Variants in FAM91A1 observed in about 807,000 individuals in gnomAD.
The protein encoded by FAM91A1 is family with sequence similarity 91 member A1.
A neutral mutation model predicts 113.5 loss-of-function variants in FAM91A1; 41 were observed. That is an observed-to-expected ratio of 0.36 (90% CI 0.28 to 0.47). The LOEUF is 0.47. Ranked by LOEUF, FAM91A1 falls within the 20% of genes least tolerant of loss-of-function variation. The probability of loss-of-function intolerance (pLI) is 1.00; values close to 1 mark genes in which losing one functional copy is unlikely to be tolerated. For synonymous variants in FAM91A1, 307 were observed against 347.9 expected, an observed-to-expected ratio of 0.88 and a Z score of 1.31; for missense variants, 696 against 1,001.2, an observed-to-expected ratio of 0.70 and a Z score of 4.11.
At chr8:123,796,440 T>C (rs921923129) in intron 15 of FAM91A1, among the ~76,000 whole-genome samples, 4 of 149,470 alleles carry the variant, frequency 2.7e-5, no homozygotes, top group African/African-American at 9.9e-5. Context: ...TGGATATGGC[T>C]AAAAGGTAGG....
chr8:123,772,968 A>G (rs1402754563), intron 1 of FAM91A1, among the ~76,000 whole-genome samples: 1 of 152,126 alleles, frequency 6.6e-6, no homozygotes, highest in Admixed American at 6.5e-5. Flanking sequence ...GAGGAGGAGG[A>G]GGAGGAAATA....
Position 123,775,177 on chromosome 8 carries a change from A to G in FAM91A1, c.188A>G (p.Tyr63Cys). 6.2e-7 allele frequency: 1 copy of G among 1,612,010 alleles called. No individual in the cohort carries two copies. The highest frequency in any genetic ancestry group is 2.2e-5 in the East Asian group (1 of 44,866). ...VKHVKKDERR[Y>C]YEELLKYSRD... is the part of the protein sequence containing the mutation. ...CATGTCAAGAAAGATGAACGCAGAT[A>G]CTATGAGGAACTGCTAAAGTACAGC... is the stretch of plus-strand genomic sequence containing the variant. The change falls in exon 3 of 24, where the codon TAC (tyrosine) becomes TGC (cysteine). Residue 63 changes from tyrosine (Y) to cysteine (C), a missense_variant. Tyr to Cys is a radical substitution (Grantham distance 194). Transcript: ENST00000334705.
intron 18 of FAM91A1, among the ~76,000 whole-genome samples, chr8:123,804,025 T>A (rs939719651): frequency 2.0e-5 from 3 of 152,214 alleles, no homozygotes; most frequent in African/African-American, 7.2e-5. Context: ...GAATTAAATA[T>A]AAGCAAAGCT....
chr8:123,801,497 C>A (rs1299846122), intron 18 of FAM91A1, among the ~76,000 whole-genome samples: 2 of 152,218 alleles, frequency 1.3e-5, no homozygotes, highest in African/African-American at 4.8e-5. Context: ...TTCGTCAGTT[C>A]ATCTAACAAT....
At chr8:123,771,741 C>T (rs1464541516) in intron 1 of FAM91A1, among the ~76,000 whole-genome samples, 3 of 152,096 alleles carry the variant, frequency 2.0e-5, no homozygotes, top group African/African-American at 7.2e-5. Context: ...TTTGATGCGG[C>T]ACAGGGGTGT....
Position 123,793,887 on chromosome 8 carries a change from C to G in FAM91A1, c.1411+4142C>G, listed in dbSNP as rs186814792. Among the ~76,000 whole-genome samples, 4 of 152,314 alleles carry G rather than the reference C, an allele frequency of 2.6e-5. No homozygotes were observed. In the East Asian group the frequency reaches 7.7e-4, roughly 29 times the overall value. On this transcript the variant is annotated intron_variant, in intron 15 of 23. Transcript: ENST00000334705. ...TGAAGTTTCTTTTAACGTTAAATAT[C>G]TCTTTTTAGAGAGCAATAGGATTTC... is the stretch of plus-strand genomic sequence containing the variant.
chr8:123,781,781 G>A (rs912106832), intron 8 of FAM91A1, among the ~76,000 whole-genome samples: 14 of 152,076 alleles, frequency 9.2e-5, no homozygotes, highest in South Asian at 2.1e-4. Flanking sequence ...CACCATGCCC[G>A]GCCTGCATCC....
At position 123,814,344 on chromosome 8, in the gene FAM91A1, T is replaced by G. The variant is rs766588646; in HGVS notation, c.*1640T>G. The G allele has an allele frequency of 6.7e-6, 1 of 148,160 alleles. No homozygotes were observed. Among genetic ancestry groups the G allele is most frequent in the Non-Finnish European group, 1.5e-5 (1 of 67,444 alleles). The allele number at this position is 148,160 out of a possible 1,614,324, so 9.2% of individuals were successfully genotyped here. A position where few individuals can be genotyped will look rare whatever the true frequency, so the allele number is the denominator to read the frequency against. The stretch of plus-strand genomic sequence containing the variant: ...GTTTTTCAGCTGAAAGTTGTAAGTA[T>G]TTTTTTTTTTTGATCGGGGCTCTTT... On this transcript the variant is annotated 3_prime_UTR_variant, in exon 24 of 24. Transcript: ENST00000334705.
At chr8:123,770,457 C>T (rs1814813103) in intron 1 of FAM91A1, among the ~76,000 whole-genome samples, 1 of 152,124 alleles carries the variant, frequency 6.6e-6, no homozygotes, top group South Asian at 2.1e-4. Flanking sequence ...TTATCTTAAA[C>T]TGGGAGAACA....
intron 22 of FAM91A1, among the ~76,000 whole-genome samples, chr8:123,810,073 C>G (rs1472367895): frequency 6.6e-6 from 1 of 152,056 alleles, no homozygotes; most frequent in Non-Finnish European, 1.5e-5. Context: ...TATTTTATTT[C>G]AAAATGGACT....
chr8:123,801,922 C>T (rs1815692042), intron 18 of FAM91A1, among the ~76,000 whole-genome samples: 1 of 151,958 alleles, frequency 6.6e-6, no homozygotes. Context: ...AGTGACATAA[C>T]ATGCCAGGGT....
intron 11 of FAM91A1, 155 bp downstream of exon 11, chr8:123,785,896 C>T: frequency 7.9e-6 from 4 of 503,206 alleles, no homozygotes; most frequent in Middle Eastern, 5.5e-4. Flanking sequence ...CGGCTCACTG[C>T]AACCTCCACC....
chr8:123,773,591 A>G (rs1392909951), intron 1 of FAM91A1, among the ~76,000 whole-genome samples: 6 of 152,250 alleles, frequency 3.9e-5, no homozygotes, highest in African/African-American at 1.2e-4. Context: ...TCTTACGTAC[A>G]TTTAAATGTA....
chr8:123,773,276 TA>T (rs1415405092), intron 1 of FAM91A1, among the ~76,000 whole-genome samples: 1 of 152,238 alleles, frequency 6.6e-6, no homozygotes, highest in Non-Finnish European at 1.5e-5. Context: ...TACGATGAAC[TA>T]AATCCTCTGA....
At chr8:123,797,533 T>C (rs956964346) in intron 15 of FAM91A1, among the ~76,000 whole-genome samples, 1 of 152,244 alleles carries the variant, frequency 6.6e-6, no homozygotes, top group Non-Finnish European at 1.5e-5. Flanking sequence ...AAGACCTTTA[T>C]GATGATCTAC....
intron 1 of FAM91A1, among the ~76,000 whole-genome samples, chr8:123,771,216 C>A (rs184713299): frequency 7.6e-4 from 115 of 152,314 alleles, no homozygotes; most frequent in African/African-American, 2.5e-3. Flanking sequence ...GCTTACCCCG[C>A]TATGGTGCAT....
intron 16 of FAM91A1, among the ~76,000 whole-genome samples, chr8:123,798,464 G>T (rs768338588): frequency 6.6e-6 from 1 of 152,132 alleles, no homozygotes; most frequent in Non-Finnish European, 1.5e-5. Context: ...ATTTATTCAT[G>T]TACAGAATAT....
intron 11 of FAM91A1, 131 bp downstream of exon 11, chr8:123,785,872 C>A: frequency 1.7e-6 from 1 of 573,368 alleles, no homozygotes; most frequent in Non-Finnish European, 2.9e-6. Context: ...GGCTGGAGTG[C>A]GGTGGCGCGA....
At chr8:123,782,077 G>T in intron 8 of FAM91A1, among the ~76,000 whole-genome samples, 1 of 152,178 alleles carries the variant, frequency 6.6e-6, no homozygotes, top group Non-Finnish European at 1.5e-5. Flanking sequence ...TTGACTGTCA[G>T]TTTGAACATT....
Sources: gnomAD v4.1 joint callset for allele counts (sites outside exome capture counted in the v4.1 genomes callset) on GRCh38, gnomAD v4.1.1 for gene constraint, MANE v1.5 for transcripts, NCBI Gene and HGNC (gene_info 2026-07-23, HGNC 2026-07-21) for gene names.